Variants in ARHGAP10 observed in about 807,000 individuals in gnomAD.
ARHGAP10 encodes rho GTPase-activating protein 10.
ARHGAP10 carries 87 observed loss-of-function variants against 108.6 expected under a neutral mutation model. The observed-to-expected ratio is 0.80, with a 90% CI of 0.67 to 0.96. The LOEUF is 0.96. Ranked by LOEUF, ARHGAP10 falls within the 40% of genes least tolerant of loss-of-function variation. The pLI is 0.00. For missense variants in ARHGAP10, 939 were observed against 954.5 expected (o/e 0.98, Z 0.21); for synonymous variants, 347 against 341.1 (o/e 1.02, Z -0.19).
In ARHGAP10 at chr4:147,966,696, A is replaced by C. The variant is rs181771226; in HGVS notation, c.1573A>C (p.Lys525Gln). The change falls in exon 18 of 23, where the codon AAG becomes CAG. Residue 525 changes from lysine to glutamine, a missense_variant. By Grantham distance (53) the Lys-to-Gln change is moderately conservative. Coordinates refer to ENST00000336498, the MANE Select transcript of ARHGAP10 (RefSeq NM_024605.4). ...CAATTTCAGTGTTTCAAATCACTCC[A>C]AGCAGAACCTGATGACTGTGGCAAA... ...KHLTNVSNHS[K>Q]QNLMTVANLG... The C allele has an allele frequency of 1.4e-4, 226 of 1,584,370 alleles. No homozygotes were observed. In the East Asian group the frequency reaches 5.0e-3, roughly 35 times the overall value.
intron 3 of ARHGAP10, among the ~76,000 whole-genome samples, chr4:147,845,367 C>T (rs1390218782): frequency 1.3e-5 from 2 of 152,228 alleles, no homozygotes; most frequent in Non-Finnish European, 2.9e-5. Flanking sequence ...GTAATTTCCA[C>T]GAAGGCAGGG....
chr4:147,976,920 A>G (rs79198254), intron 18 of ARHGAP10, among the ~76,000 whole-genome samples: 18,053 of 152,224 alleles, frequency 0.12, 1,255 homozygotes, highest in African/African-American at 0.2. Context: ...CATACTGAGT[A>G]CAAGTGAGCA....
intron 1 of ARHGAP10, among the ~76,000 whole-genome samples, chr4:147,756,130 CAA>C (rs11355244): frequency 1.5e-3 from 145 of 96,052 alleles, no homozygotes; most frequent in Non-Finnish European, 2.0e-3. Context: ...TACTAGGAGG[CAA>C]AAAAAAAAAA....
intron 4 of ARHGAP10, among the ~76,000 whole-genome samples, chr4:147,850,062 C>T (rs752545640): frequency 4.6e-5 from 7 of 152,122 alleles, no homozygotes; most frequent in Admixed American, 6.5e-5. Context: ...CCAATCAGCA[C>T]TCTGTAAAAA....
intron 13 of ARHGAP10, among the ~76,000 whole-genome samples, chr4:147,927,221 A>G (rs940323005): frequency 6.6e-6 from 1 of 152,204 alleles, no homozygotes; most frequent in African/African-American, 2.4e-5. Flanking sequence ...GTACTGTAGG[A>G]AAGGGAAGTT....
intron 20 of ARHGAP10, among the ~76,000 whole-genome samples, chr4:148,052,171 G>A (rs1729167369): frequency 6.6e-6 from 1 of 151,872 alleles, no homozygotes; most frequent in Non-Finnish European, 1.5e-5. Flanking sequence ...AGAAATTACA[G>A]GGTGGGAGTC....
chr4:147,908,197 G>GTATT (rs1459077448), intron 11 of ARHGAP10, among the ~76,000 whole-genome samples: 1 of 152,126 alleles, frequency 6.6e-6, no homozygotes, highest in Admixed American at 6.5e-5. Context: ...TGAATCAAGA[G>GTATT]TATTTACAGT....
intron 1 of ARHGAP10, among the ~76,000 whole-genome samples, chr4:147,784,857 ATATAT>A (rs1392811313): frequency 1.8e-4 from 5 of 28,312 alleles, no homozygotes; most frequent in South Asian, 3.2e-3. Flanking sequence ...TATATTATAA[ATATAT>A]TATAAAATAT....
intron 13 of ARHGAP10, among the ~76,000 whole-genome samples, chr4:147,939,420 A>G (rs754527389): frequency 6.6e-6 from 1 of 152,260 alleles, no homozygotes; most frequent in Non-Finnish European, 1.5e-5. Flanking sequence ...CATCCAAACA[A>G]TGATTTCTAT....
At chr4:148,022,069 T>C (rs1181836998) in intron 18 of ARHGAP10, among the ~76,000 whole-genome samples, 1 of 152,242 alleles carries the variant, frequency 6.6e-6, no homozygotes, top group Non-Finnish European at 1.5e-5. Flanking sequence ...ATGTAAGTGA[T>C]ATACCCTCAC....
intron 1 of ARHGAP10, among the ~76,000 whole-genome samples, chr4:147,761,494 G>T (rs1404521755): frequency 1.3e-5 from 2 of 152,128 alleles, no homozygotes; most frequent in Non-Finnish European, 1.5e-5. Flanking sequence ...AACCTTGTGG[G>T]TCTGAAGCAT....
At chr4:147,907,202 G>A (rs1736531984) in intron 11 of ARHGAP10, among the ~76,000 whole-genome samples, 1 of 152,042 alleles carries the variant, frequency 6.6e-6, no homozygotes, top group South Asian at 2.1e-4. Context: ...GATGGGCCTC[G>A]GTATTCAGAG....
intron 1 of ARHGAP10, among the ~76,000 whole-genome samples, chr4:147,793,449 A>G (rs1410611180): frequency 6.6e-6 from 1 of 152,114 alleles, no homozygotes; most frequent in Non-Finnish European, 1.5e-5. Flanking sequence ...AGAGTGAGAA[A>G]CAAAATGCCT....
At chr4:148,055,266 A>G (rs1484555368) in intron 20 of ARHGAP10, among the ~76,000 whole-genome samples, 1 of 152,206 alleles carries the variant, frequency 6.6e-6, no homozygotes, top group Non-Finnish European at 1.5e-5. Flanking sequence ...GAGGAAATCC[A>G]TGTAGGAGCC....
chr4:148,029,203 C>T (rs189037660), intron 19 of ARHGAP10, among the ~76,000 whole-genome samples: 24 of 152,274 alleles, frequency 1.6e-4, no homozygotes, highest in African/African-American at 5.8e-4. Context: ...AGTCCTATAA[C>T]TATGAGCAAA....
intron 3 of ARHGAP10, among the ~76,000 whole-genome samples, chr4:147,837,742 G>A (rs752037336): frequency 7.0e-6 from 1 of 142,932 alleles, no homozygotes; most frequent in Non-Finnish European, 1.5e-5. Context: ...TTACCTTACT[G>A]CAAGCCAGTG....
chr4:147,926,795 G>A (rs1737478434), intron 13 of ARHGAP10, among the ~76,000 whole-genome samples: 1 of 152,182 alleles, frequency 6.6e-6, no homozygotes, highest in Non-Finnish European at 1.5e-5. Context: ...GAGATTCCAA[G>A]AAGGAAGAAG....
intron 3 of ARHGAP10, among the ~76,000 whole-genome samples, chr4:147,836,091 A>C (rs1046238822): frequency 3.9e-5 from 6 of 152,194 alleles, no homozygotes; most frequent in African/African-American, 1.4e-4. Flanking sequence ...AATCTGAATA[A>C]AATTTCTGCT....
At chr4:147,782,619 G>A (rs72955519) in intron 1 of ARHGAP10, 2,882 of 151,628 alleles carry the variant, frequency 0.019, 82 homozygotes, top group African/African-American at 0.065. Context: ...AATGCAGCAT[G>A]CCAGTCCTGA....
Sources: gnomAD v4.1 joint callset for allele counts (sites outside exome capture counted in the v4.1 genomes callset) on GRCh38, gnomAD v4.1.1 for gene constraint, MANE v1.5 for transcripts, NCBI Gene and HGNC (gene_info 2026-07-23, HGNC 2026-07-21) for gene names.